Variants in MAN2A1 observed in about 807,000 individuals in gnomAD.
MAN2A1 encodes mannosidase alpha class 2A member 1.
In MAN2A1, 76 loss-of-function variants were observed where a neutral mutation model predicts 142.6. The ratio of observed to expected loss-of-function variants is 0.53; its 90% CI spans 0.44 to 0.65. MAN2A1 has a LOEUF of 0.65. Among genes scored for constraint, MAN2A1 ranks in the 30% least tolerant of loss-of-function variants. The pLI is 0.00. For missense variants in MAN2A1, 1,311 were observed against 1,365.1 expected, an observed-to-expected ratio of 0.96 and a Z score of 0.62; for synonymous variants, 559 against 473.2, an observed-to-expected ratio of 1.18 and a Z score of -2.35.
chr5:109,817,527 C>A, intron 13 of MAN2A1, 89 bp downstream of exon 13: 1 of 1,295,854 alleles, frequency 7.7e-7, no homozygotes. Context: ...CCCCATTTAG[C>A]CATCATGTTG....
At chr5:109,741,086 C>T (rs1238972587) in intron 4 of MAN2A1, among the ~76,000 whole-genome samples, 1 of 152,108 alleles carries the variant, frequency 6.6e-6, no homozygotes, top group Non-Finnish European at 1.5e-5. Flanking sequence ...TTGTCTCACT[C>T]AGATTTGTCT....
At chr5:109,713,824 T>C in intron 2 of MAN2A1, 50 bp downstream of exon 2, 2 of 1,533,110 alleles carry the variant, frequency 1.3e-6, no homozygotes, top group South Asian at 1.2e-5. Flanking sequence ...TTTTTTGTTC[T>C]TTTTAAGATT....
chr5:109,820,454 A>G (rs764214648), intron 15 of MAN2A1, 112 bp downstream of exon 15: 324 of 1,114,848 alleles, frequency 2.9e-4, no homozygotes, highest in Non-Finnish European at 3.9e-4. Context: ...TTAGGGATAG[A>G]TGAACTTTTG....
At chr5:109,764,020 C>T (rs1385582262) in intron 5 of MAN2A1, among the ~76,000 whole-genome samples, 7 of 152,042 alleles carry the variant, frequency 4.6e-5, no homozygotes, top group South Asian at 4.2e-4. Context: ...AGGCTGGTCT[C>T]GAACTCCTGA....
intron 3 of MAN2A1, among the ~76,000 whole-genome samples, chr5:109,720,518 T>G (rs1751571488): frequency 6.6e-6 from 1 of 152,182 alleles, no homozygotes. Flanking sequence ...TATTCAAATA[T>G]TTTCAAGTAT....
At chr5:109,795,057 G>A (rs1753825957) in intron 12 of MAN2A1, among the ~76,000 whole-genome samples, 1 of 152,138 alleles carries the variant, frequency 6.6e-6, no homozygotes, top group African/African-American at 2.4e-5. Context: ...GTACCTGCAA[G>A]ATGCTACGTT....
chr5:109,821,250 G>A (rs1015057303), intron 15 of MAN2A1, among the ~76,000 whole-genome samples: 1 of 152,020 alleles, frequency 6.6e-6, no homozygotes, highest in African/African-American at 2.4e-5. Flanking sequence ...TTTCATTTGT[G>A]ACAGTGCTCA....
At chr5:109,851,500 A>G (rs973308954) in intron 19 of MAN2A1, among the ~76,000 whole-genome samples, 1 of 152,134 alleles carries the variant, frequency 6.6e-6, no homozygotes, top group African/African-American at 2.4e-5. Context: ...CTTTGTTATA[A>G]AAATGAGCTC....
rs79724841 is a variant in MAN2A1, at chr5:109,691,130, C to T, written c.135+578C>T. ...TAGTGTCGTCATTCTTCAGCTATTA[C>T]ATCTGGTTTGTTTGTGGCAGACAGG... is the stretch of plus-strand genomic sequence containing the variant. On this transcript the variant is annotated intron_variant, in intron 1 of 21. Transcript: ENST00000261483. Among the ~76,000 whole-genome samples the T allele has an allele frequency of 4.5e-3, 686 of 152,156 alleles. 26 individuals carry two copies. The East Asian group carries it at 0.087, about 19-fold the overall frequency.
intron 1 of MAN2A1, among the ~76,000 whole-genome samples, chr5:109,705,917 T>G (rs377706290): frequency 6.6e-6 from 1 of 152,200 alleles, no homozygotes; most frequent in African/African-American, 2.4e-5. Context: ...CCTCTTTTCC[T>G]TATGATTACA....
rs1215974931 is a variant in MAN2A1 at position 109,820,358 on chromosome 5, G to T, written c.2451+16G>T. On this transcript the variant is annotated intron_variant, in intron 15 of 21. Transcript: ENST00000261483. Reference sequence around the variant, plus strand: ...TAATGCCAAGGTAAGTGGTACTGATGAGATGACAAATGGAATAAACACTTA... The same window carrying T: ...TAATGCCAAGGTAAGTGGTACTGATTAGATGACAAATGGAATAAACACTTA... The T allele has an allele frequency of 6.3e-7, 1 of 1,597,484 alleles. No homozygotes were observed. Among genetic ancestry groups the T allele is most frequent in the South Asian group, 1.1e-5 (1 of 87,436 alleles).
Position 109,819,812 on chromosome 5 carries a change from G to A in MAN2A1, c.2253G>A (p.Met751Ile). ...EDSGIFTIKN[M>I]INTEEGITLE... ...GCGGAATTTTCACCATAAAGAATAT[G>A]ATAAATACTGAAGAAGGTATAACAC... is the stretch of plus-strand genomic sequence containing the variant. Residue 751 changes from methionine (M) to isoleucine (I), a missense_variant, in exon 14 of 22, where the codon ATG becomes ATA. This residue lies in a region of MAN2A1 where 890 missense variants were observed against 920.5 expected (regional missense o/e 0.97). Transcript: ENST00000261483. The A allele has an allele frequency of 6.2e-7, 1 of 1,611,148 alleles. No individual in the cohort carries two copies. Among genetic ancestry groups the A allele is most frequent in the Non-Finnish European group, 8.5e-7 (1 of 1,178,236 alleles).
At chr5:109,825,047 C>T (rs1191057058) in intron 16 of MAN2A1, among the ~76,000 whole-genome samples, 1 of 152,126 alleles carries the variant, frequency 6.6e-6, no homozygotes, top group Non-Finnish European at 1.5e-5. Flanking sequence ...CTAAATGTGA[C>T]TTCTGAAGTT....
intron 5 of MAN2A1, among the ~76,000 whole-genome samples, chr5:109,765,266 T>G (rs550080537): frequency 2.4e-4 from 37 of 152,280 alleles, no homozygotes; most frequent in African/African-American, 4.1e-4. Context: ...AGTCTTTTTT[T>G]GGGGATTTCT....
intron 1 of MAN2A1, among the ~76,000 whole-genome samples, chr5:109,712,797 T>A (rs946430961): frequency 8.5e-5 from 13 of 152,316 alleles, no homozygotes; most frequent in Non-Finnish European, 1.8e-4. Context: ...AATGAGTACC[T>A]TCTATGTACT....
intron 12 of MAN2A1, among the ~76,000 whole-genome samples, chr5:109,805,005 A>G (rs1477790019): frequency 6.6e-6 from 1 of 152,186 alleles, no homozygotes; most frequent in Non-Finnish European, 1.5e-5. Context: ...TTTTGATTGA[A>G]CATCATTCCT....
At chr5:109,747,091 T>C (rs1177587897) in intron 4 of MAN2A1, among the ~76,000 whole-genome samples, 1 of 152,224 alleles carries the variant, frequency 6.6e-6, no homozygotes, top group Non-Finnish European at 1.5e-5. Context: ...TTCTACGTTT[T>C]GGCCACTGTG....
Position 109,708,404 on chromosome 5 carries a change from G to A in MAN2A1, c.136-5116G>A, listed in dbSNP as rs867042958. ...GTAAGGAAGGGGGATAATGAGTAGA[G>A]AGAAACTTTTGATAATCCCGGTACA... On this transcript the variant is annotated intron_variant, in intron 1 of 21. Transcript: ENST00000261483. 1.4e-4 allele frequency among the ~76,000 whole-genome samples: 22 copies of A among 152,064 alleles called. 1 individual carries two copies. The highest frequency in any genetic ancestry group is 3.4e-3 in the Middle Eastern group (1 of 294).
At chr5:109,859,278 T>G (rs896887253) in intron 20 of MAN2A1, among the ~76,000 whole-genome samples, 7 of 152,222 alleles carry the variant, frequency 4.6e-5, no homozygotes, top group African/African-American at 1.7e-4. Context: ...GTCCAAGCTT[T>G]CAGGGATTGC....
Sources: allele counts gnomAD v4.1 joint callset (sites outside exome capture counted in the v4.1 genomes callset), GRCh38; gene constraint gnomAD v4.1.1; regional missense constraint gnomAD v4.1.1; transcripts MANE v1.5; gene names NCBI Gene and HGNC (gene_info 2026-07-23, HGNC 2026-07-21).